Variants in ATXN1 observed in about 807,000 individuals in gnomAD.
ATXN1 encodes ataxin 1, also known as ataxin-1.
ATXN1 carries 8 observed loss-of-function variants against 56.4 expected under a neutral mutation model. The ratio of observed to expected loss-of-function variants is 0.14; its 90% CI spans 0.08 to 0.26. The LOEUF (loss-of-function observed/expected upper bound fraction) is 0.26, where lower values mean the gene tolerates loss of function less well. Among genes scored for constraint, ATXN1 ranks in the 10% least tolerant of loss-of-function variants. ATXN1 has a pLI of 1.00. For synonymous variants in ATXN1, 514 were observed against 494.6 expected (o/e 1.04, Z -0.52); for missense variants, 987 against 1,106.5 (o/e 0.89, Z 1.53).
intron 2 of ATXN1, among the ~76,000 whole-genome samples, chr6:16,720,421 C>T (rs1430195489): frequency 2.0e-5 from 3 of 152,146 alleles, no homozygotes; most frequent in African/African-American, 4.8e-5. Context: ...TTCTCTGTTA[C>T]GTCCTCAGTG....
At chr6:16,758,061 A>G (rs1760942543) in intron 1 of ATXN1, among the ~76,000 whole-genome samples, 1 of 152,252 alleles carries the variant, frequency 6.6e-6, no homozygotes, top group South Asian at 2.1e-4. Flanking sequence ...ACTTACTACC[A>G]AAGATCATTC....
chr6:16,364,673 T>C (rs1303928299), intron 6 of ATXN1, among the ~76,000 whole-genome samples: 1 of 152,210 alleles, frequency 6.6e-6, no homozygotes, highest in East Asian at 1.9e-4. Context: ...TTGTTTCTCA[T>C]GTGCCAGGGA....
chr6:16,550,762 G>A lies in ATXN1; in HGVS notation c.-360-28074C>T, dbSNP rs370180829. On this transcript the variant is annotated intron_variant, in intron 4 of 7. Transcript: ENST00000436367. The stretch of plus-strand genomic sequence containing the variant: ...TGCAACATATAGTATGACACAGTCT[G>A]TATTAGATTATCAAAAAGGATTAAG... Among the ~76,000 whole-genome samples, 7 of 152,190 alleles carry A rather than the reference G, an allele frequency of 4.6e-5. No individual in the cohort carries two copies. In the East Asian group the frequency reaches 5.8e-4, roughly 13 times the overall value.
At chr6:16,411,297 T>C (rs1758794872) in intron 6 of ATXN1, among the ~76,000 whole-genome samples, 1 of 152,116 alleles carries the variant, frequency 6.6e-6, no homozygotes, top group Non-Finnish European at 1.5e-5. Flanking sequence ...TTATGTCTTA[T>C]TGACTCTAAG....
intron 5 of ATXN1, among the ~76,000 whole-genome samples, chr6:16,491,277 A>ATTTTT (rs57395401): frequency 7.6e-5 from 10 of 132,196 alleles, no homozygotes; most frequent in Non-Finnish European, 1.6e-4. Flanking sequence ...TATTATTATT[A>ATTTTT]TTTTTTTTTT....
At chr6:16,458,041 A>G (rs940809168) in intron 6 of ATXN1, among the ~76,000 whole-genome samples, 2 of 152,232 alleles carry the variant, frequency 1.3e-5, no homozygotes, top group East Asian at 3.8e-4. Flanking sequence ...TCACTTGGAG[A>G]GATGTCATGC....
rs1388688746 is a variant in ATXN1, at chr6:16,584,258, A to T, written c.-361+1522T>A. ...TATATATATATACACACACACACAC[A>T]CACACACACACACATATACACATAT... is the stretch of plus-strand genomic sequence containing the variant. On this transcript the variant is annotated intron_variant, in intron 4 of 7. Coordinates refer to ENST00000436367, the MANE Select transcript of ATXN1 (RefSeq NM_001128164.2). Among the ~76,000 whole-genome samples, 3 of 144,274 alleles carry T rather than the reference A, an allele frequency of 2.1e-5. No homozygotes were observed. The Admixed American group carries it at 2.1e-4, about 10-fold the overall frequency. The allele number at this position is 144,274 out of a possible 152,430, so 94.6% of individuals were successfully genotyped here. A position where few individuals can be genotyped will look rare whatever the true frequency, so the allele number is the denominator to read the frequency against.
intron 2 of ATXN1, among the ~76,000 whole-genome samples, chr6:16,674,516 A>ATTTT (rs557068608): frequency 7.2e-6 from 1 of 138,406 alleles, no homozygotes; most frequent in African/African-American, 2.7e-5. Flanking sequence ...CGCCCAGCTA[A>ATTTT]TTTTTTTTTT....
intron 2 of ATXN1, among the ~76,000 whole-genome samples, chr6:16,727,157 T>G (rs999800051): frequency 6.6e-6 from 1 of 152,170 alleles, no homozygotes; most frequent in Admixed American, 6.5e-5. Context: ...TCTCCTCTAG[T>G]AAATTATGTT....
Position 16,326,323 on chromosome 6 carries a change from C to T in ATXN1, c.1917+71G>A, listed in dbSNP as rs764145001. 45 of 1,579,032 alleles carry T rather than the reference C, an allele frequency of 2.8e-5. No homozygotes were observed. Among genetic ancestry groups the T allele is most frequent in the Non-Finnish European group, 3.2e-5 (37 of 1,163,568 alleles). ...TTAATCCTGCCTCATAGAAGCAATT[C>T]GTCTTGCCAGGAGATGATGATGGCA... On this transcript the variant is annotated intron_variant, in intron 7 of 7. Transcript: ENST00000436367. This position sits in a 1 kb window ranked among gnomAD's most constrained non-coding sequence, Gnocchi z 6.6.
chr6:16,600,722 ATGTT>A (rs1762897759), intron 3 of ATXN1, among the ~76,000 whole-genome samples: 1 of 152,172 alleles, frequency 6.6e-6, no homozygotes, highest in African/African-American at 2.4e-5. Context: ...TCAACAACAA[ATGTT>A]TGTTTGGAAT....
At chr6:16,724,715 A>G (rs1010582036) in intron 2 of ATXN1, among the ~76,000 whole-genome samples, 5 of 152,264 alleles carry the variant, frequency 3.3e-5, no homozygotes, top group African/African-American at 1.2e-4. Flanking sequence ...TATAGGATAT[A>G]TTAATAGTGT....
At chr6:16,362,337 G>C (rs1761826249) in intron 6 of ATXN1, among the ~76,000 whole-genome samples, 1 of 152,184 alleles carries the variant, frequency 6.6e-6, no homozygotes, top group Admixed American at 6.5e-5. Flanking sequence ...TTAAGTGTTG[G>C]AGCTTCAGAG....
chr6:16,456,877 A>C (rs775843608), intron 6 of ATXN1, among the ~76,000 whole-genome samples: 1 of 152,088 alleles, frequency 6.6e-6, no homozygotes, highest in Non-Finnish European at 1.5e-5. Context: ...GTTGTGGGGG[A>C]CTATCTGGAA....
intron 2 of ATXN1, among the ~76,000 whole-genome samples, chr6:16,700,151 T>G (rs915841991): frequency 2.6e-5 from 4 of 152,164 alleles, no homozygotes; most frequent in Non-Finnish European, 4.4e-5. Flanking sequence ...AAATAATGCT[T>G]TCCCAATTAA....
chr6:16,524,603 G>A (rs999491101), intron 4 of ATXN1, among the ~76,000 whole-genome samples: 4 of 152,078 alleles, frequency 2.6e-5, no homozygotes, highest in Non-Finnish European at 4.4e-5. Context: ...TAACAATATC[G>A]ACTTCATAGA....
intron 2 of ATXN1, among the ~76,000 whole-genome samples, chr6:16,687,659 C>CACACACAT (rs1288455419): frequency 4.6e-5 from 3 of 64,542 alleles, no homozygotes; most frequent in Non-Finnish European, 1.1e-4. Flanking sequence ...AGAAGAAATA[C>CACACACAT]ACACACACAC....
At chr6:16,680,944 T>C (rs557252193) in intron 2 of ATXN1, among the ~76,000 whole-genome samples, 2 of 152,144 alleles carry the variant, frequency 1.3e-5, no homozygotes, top group Non-Finnish European at 2.9e-5. Flanking sequence ...CCTCTATCGA[T>C]TGAGTGATTT....
intron 6 of ATXN1, among the ~76,000 whole-genome samples, chr6:16,481,884 C>T (rs950476201): frequency 6.6e-6 from 1 of 152,068 alleles, no homozygotes; most frequent in African/African-American, 2.4e-5. Context: ...TCACAGAAAG[C>T]CAGGGCAGGA....
Sources: allele counts gnomAD v4.1 joint callset (sites outside exome capture counted in the v4.1 genomes callset), GRCh38; gene constraint gnomAD v4.1.1; non-coding constraint Gnocchi (gnomAD v3.1); transcripts MANE v1.5; gene names NCBI Gene and HGNC (gene_info 2026-07-23, HGNC 2026-07-21).